Variants in RHBDD1 observed in about 807,000 individuals in gnomAD.
RHBDD1 encodes the protein rhomboid domain containing 1, also known as rhomboid-related protein 4.
A neutral mutation model predicts 36.3 loss-of-function variants in RHBDD1; 38 were observed. That is an observed-to-expected ratio of 1.05 (90% CI 0.81 to 1.37). The LOEUF is 1.37. Ranked by LOEUF, RHBDD1 falls within the 40% of genes most tolerant of loss-of-function variation. The probability of loss-of-function intolerance (pLI) is 0.00; values close to 1 mark genes in which losing one functional copy is unlikely to be tolerated. For missense variants in RHBDD1, 393 were observed against 377.6 expected (o/e 1.04, Z -0.34); for synonymous variants, 151 against 136.5 (o/e 1.11, Z -0.74).
rs55748731 is a variant in RHBDD1, at chr2:226,953,913, C to T, written c.856+39562C>T. On this transcript the variant is annotated intron_variant, in intron 8 of 8. Transcript: ENST00000392062. Reference sequence around the variant, plus strand: ...GACATCTCTGCCATTTTACATTTAACATGAGTTACCTGGTTATTTTGGCTG... The same window carrying T: ...GACATCTCTGCCATTTTACATTTAATATGAGTTACCTGGTTATTTTGGCTG... 3.3e-5 allele frequency among the ~76,000 whole-genome samples: 5 copies of T among 152,088 alleles called. No individual in the cohort carries two copies. The East Asian group carries it at 9.7e-4, about 29-fold the overall frequency.
At chr2:226,897,641 G>A (rs1395221976) in intron 5 of RHBDD1, among the ~76,000 whole-genome samples, 1 of 152,140 alleles carries the variant, frequency 6.6e-6, no homozygotes, top group Non-Finnish European at 1.5e-5. Flanking sequence ...TGGCGAGAGA[G>A]GAAGAAGTAA....
At chr2:226,892,160 A>T (rs1040954927) in intron 5 of RHBDD1, among the ~76,000 whole-genome samples, 1 of 152,222 alleles carries the variant, frequency 6.6e-6, no homozygotes, top group African/African-American at 2.4e-5. Flanking sequence ...AGAACTTTCT[A>T]GCTAGCATTT....
At chr2:226,860,577 A>G (rs1001304202) in intron 3 of RHBDD1, among the ~76,000 whole-genome samples, 1 of 152,170 alleles carries the variant, frequency 6.6e-6, no homozygotes, top group South Asian at 2.1e-4. Context: ...TGATCTTTAC[A>G]TGGATCAGTT....
At chr2:226,806,946 T>A in the RHBDD1 span, among the ~76,000 whole-genome samples, 1 of 152,244 alleles carries the variant, frequency 6.6e-6, no homozygotes, top group Non-Finnish European at 1.5e-5. Context: ...ATGCTTCCAA[T>A]GGATTCGAGT....
chr2:226,831,550 G>C (rs1392277662), upstream of RHBDD1, among the ~76,000 whole-genome samples: 1 of 152,134 alleles, frequency 6.6e-6, no homozygotes, highest in Non-Finnish European at 1.5e-5. Context: ...GAAAGGCCAA[G>C]GATTGCTGAA....
the RHBDD1 span, among the ~76,000 whole-genome samples, chr2:226,819,433 A>G: frequency 6.6e-6 from 1 of 152,240 alleles, no homozygotes; most frequent in Non-Finnish European, 1.5e-5. Flanking sequence ...ACAGCTGTTT[A>G]CAGTCATTTA....
chr2:226,820,590 T>C, the RHBDD1 span, among the ~76,000 whole-genome samples: 3 of 145,024 alleles, frequency 2.1e-5, no homozygotes, highest in Non-Finnish European at 4.5e-5. Flanking sequence ...GAAGGATCAC[T>C]TGAGGCCAGG....
intron 5 of RHBDD1, among the ~76,000 whole-genome samples, chr2:226,904,456 T>C (rs955112189): frequency 6.8e-5 from 10 of 147,666 alleles, no homozygotes; most frequent in African/African-American, 2.3e-4. Context: ...TCAGTAGATA[T>C]ATCTGATGAA....
rs1402342821 is a variant in RHBDD1, at chr2:226,998,146, TCTTTA to T, written c.*2628_*2632del. On this transcript the variant is annotated 3_prime_UTR_variant, in exon 9 of 9. Coordinates refer to ENST00000392062, the MANE Select transcript of RHBDD1 (RefSeq NM_001167608.3). ...ACTTAAGCGACCTTTTAATGCAGAATCTTTACTTGGTTCTGAAGAGGAGGCAGTAG... is the reference window on the plus strand; with the variant it reads ...ACTTAAGCGACCTTTTAATGCAGAATCTTGGTTCTGAAGAGGAGGCAGTAG... 2 of 152,218 alleles carry T rather than the reference TCTTTA, an allele frequency of 1.3e-5. No homozygotes were observed. The highest frequency in any genetic ancestry group is 2.9e-5 in the Non-Finnish European group (2 of 68,042). The allele number at this position is 152,218 out of a possible 1,614,324, so 9.4% of individuals were successfully genotyped here.
the RHBDD1 span, among the ~76,000 whole-genome samples, chr2:226,817,851 T>A: frequency 6.6e-6 from 1 of 152,234 alleles, no homozygotes; most frequent in African/African-American, 2.4e-5. Flanking sequence ...AGCATGCACC[T>A]TTTTAACAAG....
chr2:226,862,119 T>A (rs574962061), intron 3 of RHBDD1, among the ~76,000 whole-genome samples: 2 of 152,346 alleles, frequency 1.3e-5, no homozygotes, highest in South Asian at 4.1e-4. Flanking sequence ...TAGGAGTACA[T>A]TTGAGTCTTT....
Position 226,864,854 on chromosome 2 carries a change from T to C in RHBDD1, c.161T>C (p.Leu54Pro). 1 of 1,614,184 alleles carries C rather than the reference T, an allele frequency of 6.2e-7. No individual in the cohort carries two copies. Among genetic ancestry groups the C allele is most frequent in the South Asian group, 1.1e-5 (1 of 91,072 alleles). Reference protein sequence around the residue: ...NPQKPLYSSCLSVEKCYQQKD... With the variant: ...NPQKPLYSSCPSVEKCYQQKD... ...CAGAAGCCACTGTATAGCTCCTGCCTTAGTGTGGAGAAGTGTTACCAGCAA... is the reference window on the plus strand; with the variant it reads ...CAGAAGCCACTGTATAGCTCCTGCCCTAGTGTGGAGAAGTGTTACCAGCAA... Residue 54 changes from leucine to proline, a missense_variant, in exon 4 of 9, where the codon CTT becomes CCT. Leu to Pro is a moderately conservative substitution (Grantham distance 98, BLOSUM62 -3). Coordinates refer to ENST00000392062, the MANE Select transcript of RHBDD1 (RefSeq NM_001167608.3).
intron 7 of RHBDD1, 144 bp downstream of exon 7, chr2:226,909,022 G>A (rs1175631888): frequency 3.4e-6 from 2 of 593,136 alleles, no homozygotes; most frequent in Non-Finnish European, 6.1e-6. Flanking sequence ...AACACACCTG[G>A]AAGCTAGATG....
intron 8 of RHBDD1, among the ~76,000 whole-genome samples, chr2:226,966,183 A>G (rs776823012): frequency 6.6e-6 from 1 of 152,182 alleles, no homozygotes. Flanking sequence ...CTCCTAAATA[A>G]ATAGATCCTT....
At chr2:226,829,977 T>G in the RHBDD1 span, among the ~76,000 whole-genome samples, 1 of 143,504 alleles carries the variant, frequency 7.0e-6, no homozygotes, top group Non-Finnish European at 1.5e-5. Context: ...TGACTGTAGG[T>G]TTTTTTTTTT....
chr2:226,880,890 C>T (rs575398537), intron 5 of RHBDD1, among the ~76,000 whole-genome samples: 3 of 152,220 alleles, frequency 2.0e-5, no homozygotes, highest in Non-Finnish European at 2.9e-5. Context: ...CAACATACTC[C>T]GTGTAGAAAA....
the RHBDD1 span, among the ~76,000 whole-genome samples, chr2:226,830,156 A>C: frequency 3.9e-5 from 6 of 152,166 alleles, no homozygotes; most frequent in Non-Finnish European, 8.8e-5. Context: ...TCAAATTCTA[A>C]TCTCCAAGGT....
intron 8 of RHBDD1, among the ~76,000 whole-genome samples, chr2:226,950,272 A>T (rs1201676498): frequency 6.6e-6 from 1 of 152,170 alleles, no homozygotes. Context: ...GATTCCATAT[A>T]TAAGTGAGAT....
chr2:226,839,809 TC>T (rs1235955058), intron 3 of RHBDD1, among the ~76,000 whole-genome samples, 182 bp downstream of exon 3: 2 of 152,034 alleles, frequency 1.3e-5, no homozygotes, highest in African/African-American at 4.8e-5. Flanking sequence ...TTTTAAAAAA[TC>T]CCTCCAAGTT....
Sources: gnomAD v4.1 joint callset for allele counts (sites outside exome capture counted in the v4.1 genomes callset) on GRCh38, gnomAD v4.1.1 for gene constraint, MANE v1.5 for transcripts, NCBI Gene and HGNC (gene_info 2026-07-23, HGNC 2026-07-21) for gene names.